CTNND2: variants seen among roughly 807,000 people sequenced by gnomAD.
The protein encoded by CTNND2 is catenin delta 2, also known as catenin delta-2.
In CTNND2, 22 loss-of-function variants were observed where a neutral mutation model predicts 144.4. The observed-to-expected ratio is 0.15, with a 90% CI of 0.11 to 0.22. The LOEUF is 0.22. Ranked by LOEUF, CTNND2 falls within the 10% of genes least tolerant of loss-of-function variation. The pLI is 1.00. For missense variants in CTNND2, 1,353 were observed against 1,618.8 expected, an observed-to-expected ratio of 0.84 and a Z score of 2.82; for synonymous variants, 751 against 695.6, an observed-to-expected ratio of 1.08 and a Z score of -1.25.
rs74509289 is a variant in CTNND2 at position 11,730,706 on chromosome 5, T to C, written c.174+1430A>G. Among the ~76,000 whole-genome samples the C allele has an allele frequency of 1.9e-4, 29 of 152,362 alleles. No individual in the cohort carries two copies. In the East Asian group the frequency reaches 5.2e-3, roughly 27 times the overall value. On this transcript the variant is annotated intron_variant, in intron 2 of 21. Transcript: ENST00000304623. ...ATCCTAATTTGGGAGACAGTAGTATTGTGATGATACTAAGCTTTTCAACAG... is the reference window on the plus strand; with the variant it reads ...ATCCTAATTTGGGAGACAGTAGTATCGTGATGATACTAAGCTTTTCAACAG...
intron 16 of CTNND2, among the ~76,000 whole-genome samples, chr5:11,030,702 A>T (rs1743354689): frequency 6.8e-6 from 1 of 148,016 alleles, no homozygotes; most frequent in Non-Finnish European, 1.5e-5. Flanking sequence ...AGTTGTTTTA[A>T]AGTCTTTGTC....
chr5:11,524,907 T>C (rs1394230798), intron 3 of CTNND2, among the ~76,000 whole-genome samples: 3 of 152,160 alleles, frequency 2.0e-5, no homozygotes, highest in South Asian at 2.1e-4. Context: ...GACTCAAACA[T>C]AGCATATAAA....
intron 1 of CTNND2, among the ~76,000 whole-genome samples, chr5:11,847,514 G>T (rs1411940376): frequency 6.6e-6 from 1 of 151,886 alleles, no homozygotes; most frequent in African/African-American, 2.4e-5. Flanking sequence ...GGACAGTTTG[G>T]TCAGTAGTTA....
Position 11,469,509 on chromosome 5 carries a change from C to T in CTNND2, c.288-57440G>A, listed in dbSNP as rs182575214. On this transcript the variant is annotated intron_variant, in intron 3 of 21. Transcript: ENST00000304623. ...ACCAGGGCCCTGAAACCTGGATGCACGTTCAGAGAAGTCAGTCCGTCAGCT... is the reference window on the plus strand; with the variant it reads ...ACCAGGGCCCTGAAACCTGGATGCATGTTCAGAGAAGTCAGTCCGTCAGCT... Among the ~76,000 whole-genome samples the T allele has an allele frequency of 2.6e-5, 4 of 152,248 alleles. No homozygotes were observed. The East Asian group carries it at 5.8e-4, about 22-fold the overall frequency.
At chr5:11,734,242 G>T (rs1030406169) in intron 1 of CTNND2, among the ~76,000 whole-genome samples, 1 of 152,100 alleles carries the variant, frequency 6.6e-6, no homozygotes, top group African/African-American at 2.4e-5. Flanking sequence ...ACCTTGTATC[G>T]CCACCTCTCT....
At chr5:11,582,668 T>C (rs1161407690) in intron 2 of CTNND2, among the ~76,000 whole-genome samples, 1 of 152,188 alleles carries the variant, frequency 6.6e-6, no homozygotes, top group African/African-American at 2.4e-5. Flanking sequence ...AAGGTTTACA[T>C]ATAGAAATAT....
chr5:11,607,267 G>A (rs1780099532), intron 2 of CTNND2, among the ~76,000 whole-genome samples: 1 of 152,148 alleles, frequency 6.6e-6, no homozygotes, highest in South Asian at 2.1e-4. Context: ...TTGGTTTCTG[G>A]TAGCTTTTAA....
At chr5:11,550,244 A>G (rs889255936) in intron 3 of CTNND2, among the ~76,000 whole-genome samples, 1 of 152,184 alleles carries the variant, frequency 6.6e-6, no homozygotes, top group Non-Finnish European at 1.5e-5. Flanking sequence ...TGAGATTCAA[A>G]TCTCAAAGTC....
At chr5:11,760,219 C>G (rs1049426942) in intron 1 of CTNND2, among the ~76,000 whole-genome samples, 6 of 151,992 alleles carry the variant, frequency 3.9e-5, no homozygotes, top group Non-Finnish European at 8.8e-5. Context: ...GTTCCAGTGC[C>G]TACCACAATG....
intron 1 of CTNND2, among the ~76,000 whole-genome samples, chr5:11,841,351 A>T (rs1250747268): frequency 6.6e-6 from 1 of 151,926 alleles, no homozygotes; most frequent in African/African-American, 2.4e-5. Context: ...ATGAGCCATC[A>T]CCCCCACCCC....
intron 6 of CTNND2, among the ~76,000 whole-genome samples, chr5:11,386,563 G>T (rs1581083388): frequency 6.6e-6 from 1 of 152,180 alleles, no homozygotes; most frequent in African/African-American, 2.4e-5. Flanking sequence ...GAGCAGCCTG[G>T]CATAGGAGGT....
chr5:11,743,207 C>T (rs931572207), intron 1 of CTNND2, among the ~76,000 whole-genome samples: 1 of 152,018 alleles, frequency 6.6e-6, no homozygotes, highest in Non-Finnish European at 1.5e-5. Flanking sequence ...ATTTGTTGAG[C>T]TAATATATGA....
chr5:11,615,007 T>C (rs1454647674), intron 2 of CTNND2, among the ~76,000 whole-genome samples: 1 of 152,190 alleles, frequency 6.6e-6, no homozygotes, highest in Non-Finnish European at 1.5e-5. Context: ...TTTAGTAGAA[T>C]CTAGTAGAAT....
At position 11,561,452 on chromosome 5, in the gene CTNND2, C is replaced by G. The variant is rs1334834275; in HGVS notation, c.287+3492G>C. 2.0e-5 allele frequency among the ~76,000 whole-genome samples: 3 copies of G among 152,200 alleles called. No individual in the cohort carries two copies. In the East Asian group the frequency reaches 5.8e-4, roughly 29 times the overall value. On this transcript the variant is annotated intron_variant, in intron 3 of 21. Coordinates refer to ENST00000304623, the MANE Select transcript of CTNND2 (RefSeq NM_001332.4). ...AACTTCTTTCCAGATGACTCAGAAC[C>G]CTTAGACAATCACTAAACAGTCTGA...
intron 3 of CTNND2, among the ~76,000 whole-genome samples, chr5:11,460,827 G>A (rs965706563): frequency 2.0e-5 from 3 of 151,980 alleles, no homozygotes; most frequent in Non-Finnish European, 2.9e-5. Flanking sequence ...TGAGGTGGGC[G>A]GATCATGAGG....
At chr5:11,738,549 T>C (rs1289991949) in intron 1 of CTNND2, among the ~76,000 whole-genome samples, 1 of 152,212 alleles carries the variant, frequency 6.6e-6, no homozygotes, top group African/African-American at 2.4e-5. Flanking sequence ...AGAGACAATA[T>C]TCAATGTCAT....
At chr5:11,308,123 C>A (rs1750444120) in intron 9 of CTNND2, among the ~76,000 whole-genome samples, 1 of 152,170 alleles carries the variant, frequency 6.6e-6, no homozygotes, top group African/African-American at 2.4e-5. Context: ...GTTTGTAAGG[C>A]ACCCAGTTTG....
At chr5:11,192,129 G>A (rs1250920557) in intron 11 of CTNND2, among the ~76,000 whole-genome samples, 1 of 152,180 alleles carries the variant, frequency 6.6e-6, no homozygotes, top group Non-Finnish European at 1.5e-5. Context: ...ATGTTGCAAG[G>A]TGGCAACAAT....
chr5:11,540,696 G>T (rs988239437), intron 3 of CTNND2, among the ~76,000 whole-genome samples: 1 of 152,138 alleles, frequency 6.6e-6, no homozygotes, highest in African/African-American at 2.4e-5. Context: ...TTTCAGTACA[G>T]ATGGGGTTTC....
Sources: gnomAD v4.1 joint callset for allele counts (sites outside exome capture counted in the v4.1 genomes callset) on GRCh38, gnomAD v4.1.1 for gene constraint, MANE v1.5 for transcripts, NCBI Gene and HGNC (gene_info 2026-07-23, HGNC 2026-07-21) for gene names.